Variants in MAN1A1 observed in about 807,000 individuals in gnomAD.
The protein encoded by MAN1A1 is mannosidase alpha class 1A member 1.
In MAN1A1, 29 loss-of-function variants were observed where a neutral mutation model predicts 70.8. The ratio of observed to expected loss-of-function variants is 0.41; its 90% CI spans 0.31 to 0.56. The LOEUF (loss-of-function observed/expected upper bound fraction) is 0.56. Among genes scored for constraint, MAN1A1 ranks in the 20% least tolerant of loss-of-function variants. The probability of loss-of-function intolerance (pLI) is 0.29; values close to 1 mark genes in which losing one functional copy is unlikely to be tolerated. For synonymous variants in MAN1A1, 349 were observed against 330.1 expected (o/e 1.06, Z -0.62); for missense variants, 747 against 841.3 (o/e 0.89, Z 1.39).
At chr6:119,232,384 A>AAC (rs937419003) in intron 6 of MAN1A1, among the ~76,000 whole-genome samples, 1 of 151,254 alleles carries the variant, frequency 6.6e-6, no homozygotes, top group African/African-American at 2.4e-5. Flanking sequence ...AAAAAAAAAA[A>AAC]AAAAAAAAGA....
At chr6:119,306,247 T>C (rs562068911) in intron 3 of MAN1A1, among the ~76,000 whole-genome samples, 16 of 152,308 alleles carry the variant, frequency 1.1e-4, no homozygotes, top group Admixed American at 3.3e-4. Context: ...AGGAGGATAC[T>C]GGGCAGCTCT....
chr6:119,348,952 CA>C lies in MAN1A1; in HGVS notation c.113del (p.Leu38ArgfsTer165). The part of the protein sequence containing the change: ...RKGSGPAALR[L>X]TEKFVLLLVF... The stretch of plus-strand genomic sequence containing the variant: ...CCAGCAGCAGCACGAACTTCTCCGT[CA>C]GGCGGAGGGCGGCGGGGCCCGACCC... On this transcript the variant is annotated frameshift_variant, in exon 2 of 13. Coordinates refer to ENST00000368468, the MANE Select transcript of MAN1A1 (RefSeq NM_005907.4). LOFTEE classifies it high-confidence loss of function. 6.5e-7 allele frequency: 1 copy of C among 1,529,524 alleles called. No individual in the cohort carries two copies. Among genetic ancestry groups the C allele is most frequent in the Non-Finnish European group, 8.8e-7 (1 of 1,138,134 alleles). 94.7% of individuals were successfully genotyped at this position (1,529,524 alleles called of 1,614,324 possible). A position where few individuals can be genotyped will look rare whatever the true frequency, so the allele number is the denominator to read the frequency against.
intron 2 of MAN1A1, among the ~76,000 whole-genome samples, chr6:119,335,029 G>A (rs1773417129): frequency 6.6e-6 from 1 of 152,168 alleles, no homozygotes; most frequent in Admixed American, 6.5e-5. Flanking sequence ...CTGAGGATGA[G>A]CATCCCTTCT....
At chr6:119,317,153 C>T (rs193007901) in intron 2 of MAN1A1, among the ~76,000 whole-genome samples, 121 of 152,146 alleles carry the variant, frequency 8.0e-4, no homozygotes, top group African/African-American at 2.8e-3. Flanking sequence ...TATATATCCT[C>T]TGTACCCCAA....
chr6:119,332,288 T>TA (rs1773339019), intron 2 of MAN1A1, among the ~76,000 whole-genome samples: 1 of 152,150 alleles, frequency 6.6e-6, no homozygotes, highest in Non-Finnish European at 1.5e-5. Context: ...ACTGATGGTA[T>TA]AAAATCAATT....
chr6:119,327,825 AAATG>A (rs547229737), intron 2 of MAN1A1, among the ~76,000 whole-genome samples: 19 of 152,330 alleles, frequency 1.2e-4, no homozygotes, highest in South Asian at 2.1e-4. Flanking sequence ...ATTTTTGTCT[AAATG>A]AATGAATGAA....
intron 2 of MAN1A1, among the ~76,000 whole-genome samples, chr6:119,336,036 TA>T (rs1269994489): frequency 6.6e-6 from 1 of 152,202 alleles, no homozygotes; most frequent in East Asian, 1.9e-4. Flanking sequence ...CACCCAGGCC[TA>T]CTGAATCAGA....
chr6:119,331,896 G>A (rs769641597), intron 2 of MAN1A1: 16 of 479,838 alleles, frequency 3.3e-5, no homozygotes, highest in Non-Finnish European at 6.6e-5. Flanking sequence ...CAGCAGAGAT[G>A]AGTGCACAAG....
intron 6 of MAN1A1, among the ~76,000 whole-genome samples, chr6:119,227,428 C>T (rs1442069760): frequency 6.6e-6 from 1 of 152,152 alleles, no homozygotes; most frequent in East Asian, 1.9e-4. Context: ...AATTATGCCT[C>T]CAAAAAGTGG....
At chr6:119,328,028 A>G (rs1280770248) in intron 2 of MAN1A1, among the ~76,000 whole-genome samples, 2 of 152,166 alleles carry the variant, frequency 1.3e-5, no homozygotes, top group Non-Finnish European at 2.9e-5. Flanking sequence ...GGGCCAGCTG[A>G]CAGCTCATTT....
intron 1 of MAN1A1, 116 bp from the exon 2 acceptor site, chr6:119,349,403 T>G: frequency 1.1e-6 from 1 of 929,608 alleles, no homozygotes; most frequent in Non-Finnish European, 1.3e-6. Flanking sequence ...AGCAGAGTCC[T>G]GTCCAGTCCG....
In MAN1A1 at chr6:119,223,975, G is replaced by T. The variant is rs530548440; in HGVS notation, c.993-19093C>A. ...GCAATTAGTAAGAATTTGAGTTAAAGGCTTTTTAAAAAAATCTGATTTTAA... is the reference window on the plus strand; with the variant it reads ...GCAATTAGTAAGAATTTGAGTTAAATGCTTTTTAAAAAAATCTGATTTTAA... On this transcript the variant is annotated intron_variant, in intron 6 of 12. Coordinates refer to ENST00000368468, the MANE Select transcript of MAN1A1 (RefSeq NM_005907.4). Among the ~76,000 whole-genome samples the T allele has an allele frequency of 1.6e-3, 241 of 152,186 alleles. 3 individuals carry two copies. The highest frequency in any genetic ancestry group is 6.8e-3 in the Middle Eastern group (2 of 294).
At chr6:119,185,588 T>G (rs1582676138) in intron 11 of MAN1A1, among the ~76,000 whole-genome samples, 5 of 152,196 alleles carry the variant, frequency 3.3e-5, no homozygotes, top group Admixed American at 3.3e-4. Context: ...TTTTCTTTAT[T>G]TTTTTGGAGT....
intron 6 of MAN1A1, among the ~76,000 whole-genome samples, chr6:119,242,081 T>G (rs1775026364): frequency 6.6e-6 from 1 of 151,142 alleles, no homozygotes; most frequent in African/African-American, 2.4e-5. Context: ...AGCAGAACAG[T>G]CCAAGAACTA....
intron 5 of MAN1A1, among the ~76,000 whole-genome samples, chr6:119,280,186 T>C (rs146992347): frequency 2.7e-4 from 41 of 152,328 alleles, no homozygotes; most frequent in Non-Finnish European, 5.9e-5. Flanking sequence ...CATTTAGTTG[T>C]TGATGACTCA....
At chr6:119,206,454 T>G (rs1431532284) in intron 6 of MAN1A1, among the ~76,000 whole-genome samples, 1 of 152,194 alleles carries the variant, frequency 6.6e-6, no homozygotes, top group East Asian at 1.9e-4. Flanking sequence ...CTCGCCTCAC[T>G]CTCACTTCCT....
intron 6 of MAN1A1, among the ~76,000 whole-genome samples, chr6:119,212,173 A>C (rs1026517283): frequency 2.7e-5 from 4 of 150,242 alleles, no homozygotes; most frequent in Non-Finnish European, 5.9e-5. Context: ...TATACTTTTT[A>C]AATGAAATAA....
chr6:119,267,028 A>T (rs766219372), intron 5 of MAN1A1, among the ~76,000 whole-genome samples: 8 of 152,240 alleles, frequency 5.3e-5, no homozygotes, highest in Non-Finnish European at 8.8e-5. Flanking sequence ...AATGAAAACA[A>T]CAAGATACTA....
intron 6 of MAN1A1, among the ~76,000 whole-genome samples, chr6:119,236,707 CAAAAAA>C (rs34748730): frequency 2.1e-5 from 2 of 96,592 alleles, no homozygotes; most frequent in Non-Finnish European, 2.2e-5. Context: ...GACTTTGTCT[CAAAAAA>C]AAAAAAAAAA....
Sources: gnomAD v4.1 joint callset for allele counts (sites outside exome capture counted in the v4.1 genomes callset) on GRCh38, gnomAD v4.1.1 for gene constraint, MANE v1.5 for transcripts, NCBI Gene and HGNC (gene_info 2026-07-23, HGNC 2026-07-21) for gene names.